Variants in TRPM8 observed in about 807,000 individuals in gnomAD.
TRPM8 encodes transient receptor potential cation channel subfamily M member 8.
Under a neutral mutation model 133.7 loss-of-function variants are expected in TRPM8, and 110 were observed. That is an observed-to-expected ratio of 0.82 (90% confidence interval 0.70 to 0.96). The LOEUF (loss-of-function observed/expected upper bound fraction) is 0.96, where lower values mean the gene tolerates loss of function less well. TRPM8 is among the 40% of genes least tolerant of loss of function. The pLI, the probability that TRPM8 is intolerant of heterozygous loss-of-function variation, is 0.00. For synonymous variants in TRPM8, 535 were observed against 532.3 expected (o/e 1.01, Z -0.07); for missense variants, 1,291 against 1,379.5 (o/e 0.94, Z 1.02).
intron 25 of TRPM8, among the ~76,000 whole-genome samples, chr2:234,015,777 A>T (rs1037089134): frequency 6.6e-6 from 1 of 152,198 alleles, no homozygotes. Flanking sequence ...AGCCTTGCAT[A>T]TTAAGGGAGA....
At chr2:233,918,384 A>G (rs926883730) in intron 1 of TRPM8, among the ~76,000 whole-genome samples, 21 of 151,250 alleles carry the variant, frequency 1.4e-4, no homozygotes, top group African/African-American at 4.8e-4. Context: ...ATTACAATTT[A>G]TAATAATAAT....
intron 3 of TRPM8, among the ~76,000 whole-genome samples, chr2:233,931,896 C>G (rs570321822): frequency 8.5e-5 from 13 of 152,318 alleles, no homozygotes; most frequent in African/African-American, 2.6e-4. Context: ...TGCAAGGAAG[C>G]TGTTGCTACC....
chr2:233,936,855 G>T (rs927712083), intron 3 of TRPM8, among the ~76,000 whole-genome samples: 8 of 151,714 alleles, frequency 5.3e-5, no homozygotes, highest in Non-Finnish European at 8.8e-5. Context: ...ATAAACACCA[G>T]GGATAAAACA....
intron 3 of TRPM8, among the ~76,000 whole-genome samples, 191 bp downstream of exon 3, chr2:233,930,932 T>C (rs1691667937): frequency 6.6e-6 from 1 of 152,216 alleles, no homozygotes; most frequent in Non-Finnish European, 1.5e-5. Flanking sequence ...ACAATTTTGT[T>C]TGGTATTTTC....
intron 11 of TRPM8, among the ~76,000 whole-genome samples, chr2:233,960,310 C>T (rs1478831125): frequency 6.6e-6 from 1 of 152,092 alleles, no homozygotes; most frequent in African/African-American, 2.4e-5. Context: ...GCAGCAGATC[C>T]CACAGTGCAG....
chr2:233,956,517 C>T (rs1691297356), intron 11 of TRPM8, among the ~76,000 whole-genome samples: 1 of 152,076 alleles, frequency 6.6e-6, no homozygotes, highest in South Asian at 2.1e-4. Flanking sequence ...TTCAGCTTTT[C>T]CAAGTTAATT....
chr2:233,942,537 A>G (rs1690934998), intron 5 of TRPM8, 39 bp from the exon 6 acceptor site: 1 of 1,611,944 alleles, frequency 6.2e-7, no homozygotes. Flanking sequence ...AACTTTGCCC[A>G]GTGCCACTTG....
intron 1 of TRPM8, among the ~76,000 whole-genome samples, chr2:233,924,812 G>A (rs6431648): frequency 0.41 from 62,994 of 152,200 alleles, 18,470 homozygotes; most frequent in African/African-American, 0.81. Flanking sequence ...CTTAGAAGCA[G>A]TTTGCTGTAA....
chr2:233,983,790 A>G (rs927156900), intron 20 of TRPM8, among the ~76,000 whole-genome samples: 4 of 152,158 alleles, frequency 2.6e-5, no homozygotes, highest in African/African-American at 4.8e-5. Flanking sequence ...GATGCTGACA[A>G]TAGCCTTGGC....
intron 1 of TRPM8, among the ~76,000 whole-genome samples, chr2:233,923,043 G>T (rs930861632): frequency 2.0e-4 from 31 of 151,890 alleles, no homozygotes; most frequent in East Asian, 1.2e-3. Flanking sequence ...AATTTTTTTT[G>T]TTGTTGTTGT....
intron 3 of TRPM8, 40 bp downstream of exon 3, chr2:233,930,781 C>A (rs1691664951): frequency 1.4e-6 from 2 of 1,450,624 alleles, no homozygotes; most frequent in South Asian, 1.2e-5. Flanking sequence ...TTTCCAAGTT[C>A]AAAAAAATTA....
At chr2:233,954,708 T>G (rs1194881972) in intron 10 of TRPM8, among the ~76,000 whole-genome samples, 1 of 152,220 alleles carries the variant, frequency 6.6e-6, no homozygotes, top group African/African-American at 2.4e-5. Flanking sequence ...TGGAATTATA[T>G]CTGCACAGAT....
intron 17 of TRPM8, among the ~76,000 whole-genome samples, chr2:233,976,555 G>T (rs1024061506): frequency 6.6e-6 from 1 of 152,120 alleles, no homozygotes; most frequent in Non-Finnish European, 1.5e-5. Flanking sequence ...GGAAGGGTGG[G>T]GGTCTGGCTG....
intron 22 of TRPM8, among the ~76,000 whole-genome samples, chr2:233,999,492 G>A (rs570701622): frequency 1.4e-4 from 21 of 152,312 alleles, no homozygotes; most frequent in African/African-American, 4.3e-4. Context: ...CAGCCTGCCC[G>A]GTGGGTGGAA....
intron 22 of TRPM8, among the ~76,000 whole-genome samples, chr2:234,000,402 C>T (rs1692525950): frequency 6.6e-6 from 1 of 152,150 alleles, no homozygotes; most frequent in Non-Finnish European, 1.5e-5. Flanking sequence ...AGCCACTGCG[C>T]CCTGGCCCTG....
intron 13 of TRPM8, among the ~76,000 whole-genome samples, chr2:233,963,941 G>C (rs1691500175): frequency 6.6e-6 from 1 of 152,098 alleles, no homozygotes; most frequent in African/African-American, 2.4e-5. Context: ...GAGTGAATTA[G>C]ACCTCCCACT....
chr2:234,010,048 A>G (rs892238234), intron 24 of TRPM8, among the ~76,000 whole-genome samples: 2 of 152,098 alleles, frequency 1.3e-5, no homozygotes, highest in African/African-American at 2.4e-5. Context: ...GTTGTTAACT[A>G]TTGTCACCAT....
chr2:233,946,987 C>T, intron 7 of TRPM8, 101 bp from the exon 8 acceptor site: 1 of 1,021,372 alleles, frequency 9.8e-7, no homozygotes, highest in Non-Finnish European at 1.5e-6. Flanking sequence ...TCTCTCCACA[C>T]CCTAGGCTCA....
In TRPM8 at chr2:233,966,611, G is replaced by C. The variant is rs762759635; in HGVS notation, c.1881G>C (p.Glu627Asp). ...CTCTCTGTGCTGATGTCGCTGTAGA[G>C]CTGTTCACTGAGTGTTACAGCAGCG... ...LANEYETRAV[E>D]LFTECYSSDE... Residue 627 changes from glutamate (E) to aspartate (D), a missense_variant and splice_region_variant, in exon 15 of 26, where the codon GAG becomes GAC. Glu to Asp is a conservative substitution (Grantham distance 45). This residue lies in a region of TRPM8 where 963 missense variants were observed against 968.9 expected (regional missense o/e 0.99). Coordinates refer to ENST00000324695, the MANE Select transcript of TRPM8 (RefSeq NM_024080.5). 4 of 1,614,100 alleles carry C rather than the reference G, an allele frequency of 2.5e-6. No homozygotes were observed. The highest frequency in any genetic ancestry group is 3.4e-6 in the Non-Finnish European group (4 of 1,180,028).
Sources: allele counts gnomAD v4.1 joint callset (sites outside exome capture counted in the v4.1 genomes callset), GRCh38; gene constraint gnomAD v4.1.1; regional missense constraint gnomAD v4.1.1; transcripts MANE v1.5; gene names NCBI Gene and HGNC (gene_info 2026-07-23, HGNC 2026-07-21).